Variants in GABRG3 observed in about 807,000 individuals in gnomAD.
GABRG3 encodes the protein gamma-aminobutyric acid receptor subunit gamma-3.
GABRG3 carries 25 observed loss-of-function variants against 48.8 expected under a neutral mutation model. That is an observed-to-expected ratio of 0.51 (90% CI 0.37 to 0.72). The LOEUF is 0.72. GABRG3 is among the 30% of genes least tolerant of loss of function. The pLI, the probability that GABRG3 is intolerant of heterozygous loss-of-function variation, is 0.00. For synonymous variants in GABRG3, 227 were observed against 217.6 expected (o/e 1.04, Z -0.38); for missense variants, 394 against 577.9 (o/e 0.68, Z 3.26).
chr15:27,381,983 C>T (rs986176285), intron 5 of GABRG3, among the ~76,000 whole-genome samples: 1 of 152,154 alleles, frequency 6.6e-6, no homozygotes. Context: ...GCATGAGGAA[C>T]TTGTTATCTT....
chr15:27,216,866 C>T (rs1054320682), intron 3 of GABRG3, among the ~76,000 whole-genome samples: 4 of 143,364 alleles, frequency 2.8e-5, no homozygotes, highest in Admixed American at 1.4e-4. Context: ...CATGCTGGTG[C>T]GCTGCACCCA....
rs768611354 is a variant in GABRG3 at position 27,490,774 on chromosome 15, G to A, written c.712+9987G>A. ...TCGGATGTTGCTCAGTTCCCACTTC[G>A]CTCTCCATAACAAATAAAGATATAT... On this transcript the variant is annotated intron_variant, in intron 6 of 9. Transcript: ENST00000615808. Among the ~76,000 whole-genome samples the A allele has an allele frequency of 2.0e-5, 3 of 152,142 alleles. No homozygotes were observed. The South Asian group carries it at 6.2e-4, about 32-fold the overall frequency.
intron 5 of GABRG3, among the ~76,000 whole-genome samples, chr15:27,449,292 C>T (rs1298273375): frequency 2.6e-5 from 4 of 152,176 alleles, no homozygotes; most frequent in Admixed American, 6.5e-5. Flanking sequence ...CATCCAGGCA[C>T]CTCTCTAGCA....
chr15:27,184,301 C>G (rs1403641323), intron 3 of GABRG3, among the ~76,000 whole-genome samples: 1 of 152,110 alleles, frequency 6.6e-6, no homozygotes, highest in Non-Finnish European at 1.5e-5. Flanking sequence ...CAGTGGCTAC[C>G]CTTTCCTCTC....
chr15:27,467,919 T>C (rs1889665512), intron 5 of GABRG3, among the ~76,000 whole-genome samples: 3 of 152,214 alleles, frequency 2.0e-5, no homozygotes, highest in African/African-American at 7.2e-5. Context: ...AAGTTTTACA[T>C]TGGGCACCAC....
chr15:27,328,750 G>T, intron 4 of GABRG3, 56 bp from the exon 5 acceptor site: 5 of 1,506,754 alleles, frequency 3.3e-6, no homozygotes, highest in Non-Finnish European at 4.6e-6. Context: ...CGTAACGGCC[G>T]CCGGCCTTGC....
At chr15:27,233,864 G>A in intron 3 of GABRG3, among the ~76,000 whole-genome samples, 1 of 152,186 alleles carries the variant, frequency 6.6e-6, no homozygotes, top group East Asian at 1.9e-4. Context: ...AAACAGGGAA[G>A]CTATTACACT....
intron 3 of GABRG3, among the ~76,000 whole-genome samples, chr15:27,083,407 A>G (rs1048252331): frequency 6.9e-6 from 1 of 144,322 alleles, no homozygotes; most frequent in Non-Finnish European, 1.5e-5. Context: ...ATCTCTGTTC[A>G]CTGCAACCTC....
intron 3 of GABRG3, among the ~76,000 whole-genome samples, chr15:27,163,821 C>G (rs12442272): frequency 0.14 from 21,391 of 152,152 alleles, 1,705 homozygotes; most frequent in Admixed American, 0.23. Context: ...TGCGAGTGGG[C>G]TTGCTTGTCT....
At chr15:27,241,122 T>C (rs981678686) in intron 3 of GABRG3, among the ~76,000 whole-genome samples, 1 of 152,196 alleles carries the variant, frequency 6.6e-6, no homozygotes, top group African/African-American at 2.4e-5. Context: ...TAAAAATGAT[T>C]GGATTAGATC....
chr15:27,048,172 C>T lies in GABRG3; in HGVS notation c.270+21351C>T, dbSNP rs550489199. Among the ~76,000 whole-genome samples the T allele has an allele frequency of 1.0e-3, 159 of 152,274 alleles. 1 individual carries two copies. Among genetic ancestry groups the T allele is most frequent in the African/African-American group, 3.6e-3 (151 of 41,558 alleles). On this transcript the variant is annotated intron_variant, in intron 3 of 9. Transcript: ENST00000615808. ...GGGCCCCATACCTGCCAGAGGACTG[C>T]ACCCCACTGCCCTGGGAGCAGGCTG... is the stretch of plus-strand genomic sequence containing the variant.
intron 3 of GABRG3, among the ~76,000 whole-genome samples, chr15:27,148,586 C>G (rs1898253006): frequency 6.6e-6 from 1 of 151,948 alleles, no homozygotes; most frequent in Non-Finnish European, 1.5e-5. Flanking sequence ...TATACAAATA[C>G]TGTTGCAAAG....
At chr15:27,358,458 C>T (rs1165227637) in intron 5 of GABRG3, among the ~76,000 whole-genome samples, 2 of 151,858 alleles carry the variant, frequency 1.3e-5, no homozygotes. Flanking sequence ...TGAGTCAAGA[C>T]GGGGAGGGAA....
intron 6 of GABRG3, among the ~76,000 whole-genome samples, chr15:27,489,036 A>AC (rs1396488342): frequency 2.9e-5 from 3 of 103,306 alleles, no homozygotes; most frequent in Admixed American, 9.5e-5. Context: ...CCATCCCCCC[A>AC]CCCCCCGACA....
intron 3 of GABRG3, among the ~76,000 whole-genome samples, chr15:27,244,261 T>A (rs1890211774): frequency 6.6e-6 from 1 of 152,178 alleles, no homozygotes; most frequent in African/African-American, 2.4e-5. Context: ...TTAACAGGTC[T>A]ATTAACCGCC....
At chr15:27,264,838 A>G (rs984202783) in intron 3 of GABRG3, among the ~76,000 whole-genome samples, 26 of 152,130 alleles carry the variant, frequency 1.7e-4, no homozygotes, top group African/African-American at 6.3e-4. Context: ...TCCTCACTCT[A>G]TTACTAATTC....
At chr15:27,226,374 T>G (rs1299590735) in intron 3 of GABRG3, among the ~76,000 whole-genome samples, 1 of 152,168 alleles carries the variant, frequency 6.6e-6, no homozygotes, top group Non-Finnish European at 1.5e-5. Context: ...GTACTCCCGG[T>G]GAGCTTGGTC....
chr15:27,138,457 A>G (rs575161780), intron 3 of GABRG3, among the ~76,000 whole-genome samples: 20 of 152,266 alleles, frequency 1.3e-4, no homozygotes, highest in African/African-American at 4.1e-4. Context: ...TTTTTTCCCA[A>G]TGTTCTTGGA....
At chr15:27,048,084 C>T (rs970820512) in intron 3 of GABRG3, among the ~76,000 whole-genome samples, 9 of 152,108 alleles carry the variant, frequency 5.9e-5, no homozygotes, top group Admixed American at 5.9e-4. Context: ...CTGGAGGGGG[C>T]TCCATCCTCT....
Sources: gnomAD v4.1 joint callset for allele counts (sites outside exome capture counted in the v4.1 genomes callset) on GRCh38, gnomAD v4.1.1 for gene constraint, MANE v1.5 for transcripts, NCBI Gene and HGNC (gene_info 2026-07-23, HGNC 2026-07-21) for gene names.